The following CERS1 variants were observed in gnomAD, a reference collection of about 807,000 sequenced individuals.
The protein encoded by CERS1 is Embryonic growth/differentiation factor 1.
In CERS1, 16 loss-of-function variants were observed where a neutral mutation model predicts 35.7. That is an observed-to-expected ratio of 0.45 (90% CI 0.30 to 0.68). The LOEUF is 0.68. CERS1 is among the 30% of genes least tolerant of loss of function. CERS1 has a pLI of 0.08. For missense variants in CERS1, 454 were observed against 453.9 expected, an observed-to-expected ratio of 1.00 and a Z score of 0.00; for synonymous variants, 243 against 201.6, an observed-to-expected ratio of 1.21 and a Z score of -1.74.
intron 4 of CERS1, 107 bp from the exon 5 acceptor site, chr19:18,879,495 G>T: frequency 8.0e-7 from 1 of 1,245,998 alleles, no homozygotes; most frequent in Non-Finnish European, 1.1e-6. Context: ...TCCCATCCTT[G>T]CCCACCTCTG....
At chr19:18,877,910 CTT>C (rs1374126323) in intron 6 of CERS1, 26 of 958,146 alleles carry the variant, frequency 2.7e-5, no homozygotes, top group African/African-American at 3.5e-5. Flanking sequence ...AGCCAAAAGT[CTT>C]GAGTCGTCTT....
At position 18,895,792 on chromosome 19, in the gene CERS1, G is replaced by T; in HGVS notation, c.249+32C>A. 1 of 1,167,874 alleles carries T rather than the reference G, an allele frequency of 8.6e-7. No homozygotes were observed. Among genetic ancestry groups the T allele is most frequent in the Non-Finnish European group, 1.1e-6 (1 of 930,500 alleles). 72.3% of individuals were successfully genotyped at this position (1,167,874 alleles called of 1,614,324 possible). On this transcript the variant is annotated intron_variant, in intron 1 of 7. Coordinates refer to ENST00000623882, the MANE Select transcript of CERS1 (RefSeq NM_021267.5). The surrounding 1 kb of genome is among the most constrained non-coding windows in gnomAD (Gnocchi z 6.4). Reference sequence around the variant, plus strand: ...CGGTCCCGGCTTCCCCCAGTCCGGGGTCCCCTCGTCCCGGCCCCCGGCCAC... The same window carrying T: ...CGGTCCCGGCTTCCCCCAGTCCGGGTTCCCCTCGTCCCGGCCCCCGGCCAC...
intron 6 of CERS1, among the ~76,000 whole-genome samples, chr19:18,875,247 AAAG>A (rs1192387177): frequency 1.2e-3 from 174 of 148,984 alleles, no homozygotes; most frequent in African/African-American, 4.3e-3. Flanking sequence ...AAAAAAAAAA[AAAG>A]AAAGAAAGAA....
At chr19:18,875,392 A>G (rs2056042942) in intron 6 of CERS1, among the ~76,000 whole-genome samples, 1 of 152,106 alleles carries the variant, frequency 6.6e-6, no homozygotes, top group Non-Finnish European at 1.5e-5. Context: ...AAAATACAAA[A>G]ATTAGCTGGG....
Position 18,880,394 on chromosome 19 carries a change from A to G in CERS1, c.632T>C (p.Ile211Thr). Residue 211 changes from isoleucine to threonine, a missense_variant, in exon 4 of 8, where the codon ATC becomes ACC. Transcript: ENST00000623882. ...GGTGAACTCAAGCTGCACGTCACTG[A>G]TATCGTGCAGGAAGAGCACAAGGAT... ...VGILVLFLHD[I>T]SDVQLEFTKL... The G allele has an allele frequency of 6.3e-7, 1 of 1,587,694 alleles. No homozygotes were observed.
At chr19:18,892,671 G>A (rs1281023710) in intron 2 of CERS1, among the ~76,000 whole-genome samples, 1 of 152,058 alleles carries the variant, frequency 6.6e-6, no homozygotes, top group African/African-American at 2.4e-5. Flanking sequence ...TCAGCTCTCT[G>A]CAGCCACCCT....
At chr19:18,877,747 A>C (rs1601159253) in intron 6 of CERS1, among the ~76,000 whole-genome samples, 1 of 92,560 alleles carries the variant, frequency 1.1e-5, no homozygotes, top group Non-Finnish European at 2.0e-5. Context: ...ACAGAGTGAG[A>C]CCCTGTCTCA....
At chr19:18,876,509 T>TTTTTG (rs1297037794) in intron 6 of CERS1, among the ~76,000 whole-genome samples, 3 of 149,660 alleles carry the variant, frequency 2.0e-5, no homozygotes, top group South Asian at 2.1e-4. Context: ...ACATGGCTGT[T>TTTTTG]TTTTGTTTTG....
intron 7 of CERS1, among the ~76,000 whole-genome samples, chr19:18,869,651 G>A (rs1279522485): frequency 1.4e-5 from 2 of 144,042 alleles, no homozygotes; most frequent in African/African-American, 2.5e-5. Flanking sequence ...GGAGACATGA[G>A]CCAGAACCTG....
Position 18,884,268 on chromosome 19 carries a change from C to T in CERS1, c.410-1G>A, listed in dbSNP as rs1386496720. 8.1e-6 allele frequency: 13 copies of T among 1,609,300 alleles called. No individual in the cohort carries two copies. The highest frequency in any genetic ancestry group is 1.1e-5 in the Non-Finnish European group (13 of 1,178,342). On this transcript the variant is annotated splice_acceptor_variant, in intron 2 of 7. Coordinates refer to ENST00000623882, the MANE Select transcript of CERS1 (RefSeq NM_021267.5). LOFTEE classifies it high-confidence loss of function. ...GGCACTGCCATGCCCGGCGTCCAGTCTGGGGAGAGCCAAATCTCACAGTCA... is the reference window on the plus strand; with the variant it reads ...GGCACTGCCATGCCCGGCGTCCAGTTTGGGGAGAGCCAAATCTCACAGTCA...
rs1373416886 is a variant in CERS1 at position 18,868,947 on chromosome 19, G to A, written c.*1038C>T. 3.3e-6 allele frequency: 4 copies of A among 1,224,478 alleles called. No individual in the cohort carries two copies. Among genetic ancestry groups the A allele is most frequent in the East Asian group, 4.7e-5 (1 of 21,462 alleles). 75.9% of individuals were successfully genotyped at this position (1,224,478 alleles called of 1,614,324 possible). ...CCCCCGGGGCCGCCGCCCAACACGG[G>A]TTCGGCGTCGCGCCGCGGCCGGGCC... On this transcript the variant is annotated 3_prime_UTR_variant, in exon 8 of 8. Transcript: ENST00000623882.
At chr19:18,889,051 C>T (rs1029576565) in intron 2 of CERS1, among the ~76,000 whole-genome samples, 5 of 151,694 alleles carry the variant, frequency 3.3e-5, no homozygotes, top group African/African-American at 1.2e-4. Flanking sequence ...ATCCCCACGC[C>T]TGGCTAATTT....
intron 2 of CERS1, among the ~76,000 whole-genome samples, chr19:18,887,987 T>C (rs1212425924): frequency 1.3e-5 from 2 of 152,042 alleles, no homozygotes; most frequent in African/African-American, 4.8e-5. Context: ...AGGAACCTCA[T>C]ATAAGTGGAA....
At position 18,878,741 on chromosome 19, in the gene CERS1, T is replaced by C; in HGVS notation, c.1010+189A>G. 7.2e-7 allele frequency: 1 copy of C among 1,396,928 alleles called. No individual in the cohort carries two copies. Among genetic ancestry groups the C allele is most frequent in the South Asian group, 1.5e-5 (1 of 65,834 alleles). The allele number at this position is 1,396,928 out of a possible 1,614,324, so 86.5% of individuals were successfully genotyped here. A position where few individuals can be genotyped will look rare whatever the true frequency, so the allele number is the denominator to read the frequency against. The stretch of plus-strand genomic sequence containing the variant: ...CCAGCCTCTCCCTCCCCTTCCTCAC[T>C]GTCCTGTCCTTCAGGGTACTGGCCA... On this transcript the variant is annotated intron_variant, in intron 6 of 7. Coordinates refer to ENST00000623882, the MANE Select transcript of CERS1 (RefSeq NM_021267.5). This position sits in a 1 kb window ranked among gnomAD's most constrained non-coding sequence, Gnocchi z 4.6.
chr19:18,893,675 C>T, intron 1 of CERS1, 100 bp from the exon 2 acceptor site: 2 of 1,273,896 alleles, frequency 1.6e-6, no homozygotes, highest in Non-Finnish European at 1.1e-6. Flanking sequence ...CCAGGCCGGG[C>T]AGCACTGGGA....
At position 18,868,788 on chromosome 19, in the gene CERS1, C is replaced by CA; in HGVS notation, c.*1196_*1197insT. ...GCGTGGTTGAGCGCCGGCGGCCCCC[C>CA]GGACCCCGACAGCGCGACGGGCAGC... On this transcript the variant is annotated 3_prime_UTR_variant, in exon 8 of 8. Transcript: ENST00000623882. 1 of 1,461,912 alleles carries CA rather than the reference C, an allele frequency of 6.8e-7. No individual in the cohort carries two copies. Among genetic ancestry groups the CA allele is most frequent in the South Asian group, 1.2e-5 (1 of 80,234 alleles). 90.6% of individuals were successfully genotyped at this position (1,461,912 alleles called of 1,614,324 possible). A position where few individuals can be genotyped will look rare whatever the true frequency, so the allele number is the denominator to read the frequency against.
chr19:18,896,814 ATCT>A (rs1236332052), upstream of CERS1: 4 of 151,634 alleles, frequency 2.6e-5, no homozygotes, highest in Admixed American at 2.0e-4. This position sits in a 1 kb window ranked among gnomAD's most constrained non-coding sequence, Gnocchi z 5.9. Flanking sequence ...CTTCCCAGGC[ATCT>A]TCTTCTGCAG....
chr19:18,884,263 C>T lies in CERS1; in HGVS notation c.414G>A (p.Trp138Ter), dbSNP rs746326819. The T allele has an allele frequency of 6.2e-7, 1 of 1,611,238 alleles. No homozygotes were observed. The highest frequency in any genetic ancestry group is 8.5e-7 in the Non-Finnish European group (1 of 1,179,242). The change falls in exon 3 of 8, where the codon TGG becomes TGA. Residue 138 changes from tryptophan to a stop codon, truncating the protein, a stop_gained. Coordinates refer to ENST00000623882, the MANE Select transcript of CERS1 (RefSeq NM_021267.5). LOFTEE classifies it high-confidence loss of function. ...FHDPPSVFYD[W>*]TPGMAVPRDI... ...CCCGTGGCACTGCCATGCCCGGCGT[C>T]CAGTCTGGGGAGAGCCAAATCTCAC...
chr19:18,880,138 G>T, intron 4 of CERS1, 136 bp downstream of exon 4: 4 of 805,116 alleles, frequency 5.0e-6, no homozygotes, highest in African/African-American at 1.9e-5. Context: ...CAAATCATGA[G>T]GCCCCTCCCC....
Sources: gnomAD v4.1 joint callset for allele counts (sites outside exome capture counted in the v4.1 genomes callset) on GRCh38, gnomAD v4.1.1 for gene constraint, Gnocchi (gnomAD v3.1) non-coding constraint, MANE v1.5 for transcripts, NCBI Gene and HGNC (gene_info 2026-07-23, HGNC 2026-07-21) for gene names.